The following PPARGC1A variants were observed in gnomAD, a reference collection of about 807,000 sequenced individuals.
PPARGC1A encodes peroxisome proliferator-activated receptor gamma coactivator 1-alpha.
Under a neutral mutation model 88.7 loss-of-function variants are expected in PPARGC1A, and 25 were observed. That is an observed-to-expected ratio of 0.28 (90% CI 0.21 to 0.39). PPARGC1A has a LOEUF of 0.39. Among genes scored for constraint, PPARGC1A ranks in the 10% least tolerant of loss-of-function variants. PPARGC1A has a pLI of 1.00. For synonymous variants in PPARGC1A, 363 were observed against 355.6 expected, an observed-to-expected ratio of 1.02 and a Z score of -0.24; for missense variants, 880 against 968.7, an observed-to-expected ratio of 0.91 and a Z score of 1.22.
chr4:24,376,168 A>G, the PPARGC1A span, among the ~76,000 whole-genome samples: 1 of 152,244 alleles, frequency 6.6e-6, no homozygotes, highest in South Asian at 2.1e-4. Context: ...GGAACTTTGA[A>G]GTGTGATGCA....
At chr4:24,349,120 G>A in the PPARGC1A span, among the ~76,000 whole-genome samples, 5 of 152,196 alleles carry the variant, frequency 3.3e-5, no homozygotes, top group Admixed American at 3.3e-4. Flanking sequence ...GCTGGTACTG[G>A]GGGTTGTCTG....
At chr4:24,000,228 A>G in the PPARGC1A span, among the ~76,000 whole-genome samples, 1 of 152,128 alleles carries the variant, frequency 6.6e-6, no homozygotes, top group Non-Finnish European at 1.5e-5. Flanking sequence ...CATCCTAGGT[A>G]TCACTTGATA....
At chr4:23,984,214 A>G in the PPARGC1A span, among the ~76,000 whole-genome samples, 2 of 152,194 alleles carry the variant, frequency 1.3e-5, no homozygotes, top group East Asian at 3.9e-4. Flanking sequence ...TTCATCTGGA[A>G]GGTCACTTCC....
chr4:23,964,581 T>A, the PPARGC1A span, among the ~76,000 whole-genome samples: 1 of 152,186 alleles, frequency 6.6e-6, no homozygotes, highest in Non-Finnish European at 1.5e-5. Context: ...GCAGGTGGTA[T>A]ATGGATCTGG....
chr4:23,865,978 T>A (rs867447124), intron 2 of PPARGC1A: 1 of 151,952 alleles, frequency 6.6e-6, no homozygotes, highest in Non-Finnish European at 1.5e-5. Context: ...CACGCACACA[T>A]GTACATGTGC....
chr4:24,167,803 G>A, the PPARGC1A span, among the ~76,000 whole-genome samples: 3 of 152,154 alleles, frequency 2.0e-5, no homozygotes, highest in African/African-American at 7.2e-5. Flanking sequence ...ACCCAGGCTG[G>A]AGTGCAGTGG....
At chr4:24,219,216 C>T in the PPARGC1A span, among the ~76,000 whole-genome samples, 10 of 152,188 alleles carry the variant, frequency 6.6e-5, no homozygotes, top group East Asian at 5.8e-4. Flanking sequence ...CCAGGAAGTC[C>T]GCTCTGCCTT....
At chr4:23,999,797 G>C in the PPARGC1A span, among the ~76,000 whole-genome samples, 2 of 152,156 alleles carry the variant, frequency 1.3e-5, no homozygotes, top group African/African-American at 4.8e-5. Context: ...GGGGAGAGAC[G>C]ACAGAAAGGA....
chr4:24,350,082 G>C, the PPARGC1A span, among the ~76,000 whole-genome samples: 79 of 152,314 alleles, frequency 5.2e-4, no homozygotes, highest in Non-Finnish European at 6.3e-4. Flanking sequence ...CTTCTCCAGT[G>C]GGGGGTGTGT....
chr4:24,177,554 C>T, the PPARGC1A span, among the ~76,000 whole-genome samples: 1 of 150,360 alleles, frequency 6.7e-6, no homozygotes, highest in Non-Finnish European at 1.5e-5. Flanking sequence ...CAACATGGCA[C>T]ATGTATACAT....
the PPARGC1A span, among the ~76,000 whole-genome samples, chr4:24,190,677 C>A: frequency 6.6e-6 from 1 of 152,166 alleles, no homozygotes; most frequent in Non-Finnish European, 1.5e-5. Context: ...GATGAAGTGA[C>A]TTCCTCCATG....
At chr4:24,330,231 T>C in the PPARGC1A span, among the ~76,000 whole-genome samples, 1 of 152,214 alleles carries the variant, frequency 6.6e-6, no homozygotes, top group Non-Finnish European at 1.5e-5. Context: ...AGCTATCATG[T>C]GACTGCTTTG....
At chr4:24,045,813 A>C in the PPARGC1A span, among the ~76,000 whole-genome samples, 1 of 152,184 alleles carries the variant, frequency 6.6e-6, no homozygotes, top group Non-Finnish European at 1.5e-5. Context: ...ACCCATAATA[A>C]ATACATTAGG....
At chr4:24,252,473 A>G in the PPARGC1A span, among the ~76,000 whole-genome samples, 3 of 152,208 alleles carry the variant, frequency 2.0e-5, no homozygotes, top group Non-Finnish European at 4.4e-5. Flanking sequence ...CTCACTGCCA[A>G]CCAAGATTGC....
chr4:24,141,988 C>G, the PPARGC1A span, among the ~76,000 whole-genome samples: 1 of 152,184 alleles, frequency 6.6e-6, no homozygotes, highest in Non-Finnish European at 1.5e-5. Flanking sequence ...ACCCATAAAA[C>G]TAATTTATGA....
At chr4:24,437,394 C>T in the PPARGC1A span, among the ~76,000 whole-genome samples, 1 of 152,084 alleles carries the variant, frequency 6.6e-6, no homozygotes, top group South Asian at 2.1e-4. Context: ...CAGACATGAG[C>T]CAGCTCAGTG....
chr4:24,215,716 C>T, the PPARGC1A span, among the ~76,000 whole-genome samples: 1 of 152,108 alleles, frequency 6.6e-6, no homozygotes, highest in Non-Finnish European at 1.5e-5. Flanking sequence ...TTTCCTCCCT[C>T]CTGTAGGTAG....
the PPARGC1A span, among the ~76,000 whole-genome samples, chr4:23,987,029 G>T: frequency 4.6e-5 from 7 of 152,116 alleles, no homozygotes; most frequent in African/African-American, 1.7e-4. Flanking sequence ...AAATCCCCAG[G>T]TATCTAGGCT....
the PPARGC1A span, among the ~76,000 whole-genome samples, chr4:23,995,225 G>A: frequency 2.6e-5 from 4 of 151,840 alleles, no homozygotes; most frequent in Non-Finnish European, 5.9e-5. Flanking sequence ...AGAAAATCAC[G>A]TGGGAAAGTC....
Sources: gnomAD v4.1 joint callset for allele counts (sites outside exome capture counted in the v4.1 genomes callset) on GRCh38, gnomAD v4.1.1 for gene constraint, MANE v1.5 for transcripts, NCBI Gene and HGNC (gene_info 2026-07-23, HGNC 2026-07-21) for gene names.